The following SHTN1 variants were observed in gnomAD, a reference collection of about 807,000 sequenced individuals.
SHTN1 encodes the protein shootin 1, also known as shootin-1.
In SHTN1, 42 loss-of-function variants were observed where a neutral mutation model predicts 83.1. That is an observed-to-expected ratio of 0.51 (90% CI 0.39 to 0.65). The LOEUF is 0.65. Ranked by LOEUF, SHTN1 falls within the 30% of genes least tolerant of loss-of-function variation. SHTN1 has a pLI of 0.00. For missense variants in SHTN1, 622 were observed against 737.8 expected (o/e 0.84, Z 1.82); for synonymous variants, 224 against 247.7 (o/e 0.90, Z 0.90).
intron 3 of SHTN1, among the ~76,000 whole-genome samples, chr10:116,964,094 G>A (rs559201191): frequency 5.0e-4 from 76 of 151,960 alleles, no homozygotes; most frequent in Non-Finnish European, 8.1e-4. Context: ...GCAGGTGCTC[G>A]TGTTAGTGTC....
intron 1 of SHTN1, among the ~76,000 whole-genome samples, chr10:117,108,976 C>G (rs1255848742): frequency 2.6e-5 from 4 of 152,162 alleles, no homozygotes; most frequent in African/African-American, 9.7e-5. Flanking sequence ...AAAGGCAAAA[C>G]TCTCAGATCC....
At chr10:116,932,785 A>C (rs1849018032) in intron 9 of SHTN1, among the ~76,000 whole-genome samples, 1 of 152,204 alleles carries the variant, frequency 6.6e-6, no homozygotes, top group South Asian at 2.1e-4. Flanking sequence ...AGAGTATAAC[A>C]GTTTTAGAAG....
intron 1 of SHTN1, among the ~76,000 whole-genome samples, chr10:117,109,322 T>G (rs1853725690): frequency 6.6e-6 from 1 of 152,084 alleles, no homozygotes; most frequent in African/African-American, 2.4e-5. Context: ...TGATTTAATA[T>G]ATCTTCAGCA....
chr10:117,004,076 A>G (rs1851918304), intron 1 of SHTN1, among the ~76,000 whole-genome samples: 1 of 151,878 alleles, frequency 6.6e-6, no homozygotes, highest in Non-Finnish European at 1.5e-5. Context: ...TAGTAGAGAT[A>G]GGGGTTCTCC....
At position 116,997,804 on chromosome 10, in the gene SHTN1, G is replaced by A. The variant is rs565148241; in HGVS notation, c.58+7218C>T. On this transcript the variant is annotated intron_variant, in intron 1 of 16. Coordinates refer to ENST00000355371, the MANE Select transcript of SHTN1 (RefSeq NM_001127211.3). ...GTGCTGCCCACACTTAAGAATCAGG[G>A]AGTTAGGGCCAGGCGCGATGGCTCA... 9.2e-5 allele frequency among the ~76,000 whole-genome samples: 14 copies of A among 152,272 alleles called. 1 individual carries two copies. The highest frequency in any genetic ancestry group is 3.1e-4 in the African/African-American group (13 of 41,542).
Position 116,929,979 on chromosome 10 carries a change from T to C in SHTN1, c.882A>G (p.Leu294=), listed in dbSNP as rs1157383721. 5.0e-6 allele frequency: 8 copies of C among 1,595,676 alleles called. No individual in the cohort carries two copies. Among genetic ancestry groups the C allele is most frequent in the Non-Finnish European group, 6.0e-6 (7 of 1,171,396 alleles). ...TTTCTTTGTGGAGTGTTTCATTTTC[T>C]AGTTGCTCTTCTAATTCTTTGACCT... ...QQKVKELEEQ[L]ENETLHKEIH... Residue 294 remains leucine (L), a synonymous_variant, in exon 10 of 17, where the codon CTA becomes CTG. Coordinates refer to ENST00000355371, the MANE Select transcript of SHTN1 (RefSeq NM_001127211.3).
chr10:117,035,732 G>A (rs765302787), intron 2 of SHTN1, among the ~76,000 whole-genome samples: 14 of 151,942 alleles, frequency 9.2e-5, no homozygotes, highest in Non-Finnish European at 1.6e-4. Flanking sequence ...TAGGCGTCAA[G>A]GTCAGGAGTT....
chr10:117,117,901 T>C (rs1564964569), intron 1 of SHTN1, among the ~76,000 whole-genome samples: 1 of 152,084 alleles, frequency 6.6e-6, no homozygotes, highest in Non-Finnish European at 1.5e-5. Flanking sequence ...TCAAAATAGA[T>C]TAAAGACTTA....
At chr10:117,119,446 C>T (rs1265127907) in intron 1 of SHTN1, among the ~76,000 whole-genome samples, 3 of 152,124 alleles carry the variant, frequency 2.0e-5, no homozygotes, top group Admixed American at 2.0e-4. Context: ...TGAAAAGGTG[C>T]TCAACATCAC....
At chr10:117,104,627 G>A (rs1853646845) in intron 1 of SHTN1, among the ~76,000 whole-genome samples, 2 of 152,016 alleles carry the variant, frequency 1.3e-5, no homozygotes, top group South Asian at 2.1e-4. Flanking sequence ...ACAAAAAATT[G>A]GACGGGCGTG....
At chr10:117,069,284 G>A (rs1040669141) in intron 1 of SHTN1, among the ~76,000 whole-genome samples, 1 of 152,136 alleles carries the variant, frequency 6.6e-6, no homozygotes, top group African/African-American at 2.4e-5. Context: ...TCTTTACTGG[G>A]TCCGCCCAAT....
intron 14 of SHTN1, among the ~76,000 whole-genome samples, chr10:116,907,249 C>A (rs1207179802): frequency 6.6e-6 from 1 of 152,136 alleles, no homozygotes; most frequent in Non-Finnish European, 1.5e-5. Flanking sequence ...TCAAAGGAGG[C>A]ACATAATGCT....
intron 2 of SHTN1, among the ~76,000 whole-genome samples, chr10:117,037,991 G>T (rs1348979907): frequency 2.7e-5 from 2 of 74,070 alleles, no homozygotes; most frequent in African/African-American, 1.1e-4. Flanking sequence ...GTGACAGAGC[G>T]AGACTTCAAA....
intron 1 of SHTN1, among the ~76,000 whole-genome samples, chr10:116,982,972 AAAG>A (rs1448659544): frequency 6.6e-6 from 1 of 152,138 alleles, no homozygotes; most frequent in African/African-American, 2.4e-5. Flanking sequence ...CAAAAAAAAA[AAAG>A]AACAGATGAA....
chr10:116,958,905 T>C (rs1850079826), intron 4 of SHTN1, among the ~76,000 whole-genome samples: 1 of 152,164 alleles, frequency 6.6e-6, no homozygotes, highest in South Asian at 2.1e-4. Flanking sequence ...GTGCCTTCCA[T>C]AAACTCTGCC....
chr10:117,082,860 C>T (rs1853291408), intron 1 of SHTN1, among the ~76,000 whole-genome samples: 2 of 151,278 alleles, frequency 1.3e-5, no homozygotes, highest in Admixed American at 1.3e-4. Flanking sequence ...GATTGCAACC[C>T]CTGCCTTTTT....
At chr10:117,028,567 G>T (rs575577802) in intron 2 of SHTN1, among the ~76,000 whole-genome samples, 8 of 152,044 alleles carry the variant, frequency 5.3e-5, no homozygotes, top group Non-Finnish European at 1.0e-4. Context: ...GTGCTCCACT[G>T]CCCTGGCACA....
chr10:116,922,201 A>G (rs974663531), intron 11 of SHTN1, among the ~76,000 whole-genome samples: 1 of 152,196 alleles, frequency 6.6e-6, no homozygotes, highest in Non-Finnish European at 1.5e-5. Flanking sequence ...CCAAATTTCC[A>G]ATACATATAC....
intron 16 of SHTN1, among the ~76,000 whole-genome samples, chr10:116,899,261 G>A (rs185259725): frequency 2.6e-5 from 4 of 152,248 alleles, no homozygotes; most frequent in Admixed American, 1.3e-4. Flanking sequence ...CTGCTCTAGG[G>A]AGAAATGACG....
Sources: allele counts gnomAD v4.1 joint callset (sites outside exome capture counted in the v4.1 genomes callset), GRCh38; gene constraint gnomAD v4.1.1; transcripts MANE v1.5; gene names NCBI Gene and HGNC (gene_info 2026-07-23, HGNC 2026-07-21).